Variants in STARD13 observed in about 807,000 individuals in gnomAD.
STARD13 encodes the protein stAR-related lipid transfer protein 13.
STARD13 carries 62 observed loss-of-function variants against 106.4 expected under a neutral mutation model. The observed-to-expected ratio is 0.58, with a 90% CI of 0.48 to 0.72. STARD13 has a LOEUF of 0.72. Among genes scored for constraint, STARD13 ranks in the 30% least tolerant of loss-of-function variants. The pLI, the probability that STARD13 is intolerant of heterozygous loss-of-function variation, is 0.00. For missense variants in STARD13, 1,387 were observed against 1,424.0 expected, an observed-to-expected ratio of 0.97 and a Z score of 0.42; for synonymous variants, 565 against 553.0, an observed-to-expected ratio of 1.02 and a Z score of -0.31.
chr13:33,108,817 C>T (rs1295833655), intron 12 of STARD13, among the ~76,000 whole-genome samples: 1 of 152,220 alleles, frequency 6.6e-6, no homozygotes, highest in Non-Finnish European at 1.5e-5. Context: ...ATTCAACTTT[C>T]CACTTGTGGA....
chr13:33,421,463 C>T, the STARD13 span, among the ~76,000 whole-genome samples: 1 of 152,084 alleles, frequency 6.6e-6, no homozygotes, highest in African/African-American at 2.4e-5. Context: ...AATAGCCTAC[C>T]AACCAAAAAA....
At chr13:33,180,097 G>A (rs1885082242) in intron 1 of STARD13, among the ~76,000 whole-genome samples, 1 of 152,174 alleles carries the variant, frequency 6.6e-6, no homozygotes, top group Non-Finnish European at 1.5e-5. Context: ...TACTCTTTCT[G>A]GTAAATGAAG....
the STARD13 span, chr13:33,439,574 A>G: frequency 4.5e-6 from 2 of 444,942 alleles, no homozygotes; most frequent in South Asian, 3.8e-5. Context: ...GTATCCATCA[A>G]CTTTGCATCC....
the STARD13 span, among the ~76,000 whole-genome samples, chr13:33,580,590 T>C: frequency 6.6e-6 from 1 of 152,102 alleles, no homozygotes; most frequent in Non-Finnish European, 1.5e-5. Context: ...TTTTAATAAA[T>C]GTACCACACG....
chr13:33,490,242 T>C, the STARD13 span, among the ~76,000 whole-genome samples: 32 of 152,292 alleles, frequency 2.1e-4, no homozygotes, highest in East Asian at 6.0e-3. Context: ...AGTAGGTATG[T>C]ACTATACTGA....
chr13:33,126,317 G>A, intron 6 of STARD13, 77 bp from the exon 7 acceptor site: 1 of 1,451,082 alleles, frequency 6.9e-7, no homozygotes, highest in Non-Finnish European at 9.5e-7. Context: ...CAAGCATGAG[G>A]GAAGCCAGGC....
chr13:33,328,667 T>C (rs919463117), intron 1 of STARD13, among the ~76,000 whole-genome samples: 1 of 152,226 alleles, frequency 6.6e-6, no homozygotes, highest in African/African-American at 2.4e-5. Context: ...CATAATTCCT[T>C]TGTGGTCTTA....
the STARD13 span, among the ~76,000 whole-genome samples, chr13:33,532,610 T>C: frequency 6.6e-6 from 1 of 152,216 alleles, no homozygotes; most frequent in Non-Finnish European, 1.5e-5. Context: ...TTTATTTTTG[T>C]CAAAGTTGTA....
the STARD13 span, among the ~76,000 whole-genome samples, chr13:33,659,487 T>C: frequency 6.6e-6 from 1 of 152,200 alleles, no homozygotes; most frequent in Non-Finnish European, 1.5e-5. Context: ...GTGCTGGGAT[T>C]ACAGGTGTGA....
chr13:33,440,363 C>T, the STARD13 span, among the ~76,000 whole-genome samples: 1 of 151,930 alleles, frequency 6.6e-6, no homozygotes, highest in African/African-American at 2.4e-5. Flanking sequence ...TGCTCCAGGG[C>T]CCTGGTGCCA....
chr13:33,411,406 C>G, the STARD13 span, among the ~76,000 whole-genome samples: 3 of 152,150 alleles, frequency 2.0e-5, no homozygotes, highest in South Asian at 4.1e-4. Flanking sequence ...TGTCCACTCT[C>G]TAGAGACACC....
At chr13:33,581,609 G>A in the STARD13 span, among the ~76,000 whole-genome samples, 1 of 152,074 alleles carries the variant, frequency 6.6e-6, no homozygotes, top group Non-Finnish European at 1.5e-5. Flanking sequence ...TATGAATATT[G>A]TAAATATTAT....
At chr13:33,475,989 T>C in the STARD13 span, among the ~76,000 whole-genome samples, 7 of 151,792 alleles carry the variant, frequency 4.6e-5, no homozygotes, top group Admixed American at 3.3e-4. Context: ...GAAAGAAAAA[T>C]AGATGAGAGT....
At chr13:33,443,285 G>C in the STARD13 span, among the ~76,000 whole-genome samples, 1 of 151,758 alleles carries the variant, frequency 6.6e-6, no homozygotes, top group African/African-American at 2.4e-5. Flanking sequence ...GCTGAGGCAG[G>C]AGAATGCCTT....
the STARD13 span, among the ~76,000 whole-genome samples, chr13:33,665,972 G>T: frequency 6.6e-6 from 1 of 152,094 alleles, no homozygotes; most frequent in African/African-American, 2.4e-5. Flanking sequence ...TTGACCACAG[G>T]GACCTGGAAT....
intron 1 of STARD13, chr13:33,281,331 A>G (rs1204235083): frequency 6.6e-6 from 1 of 152,152 alleles, no homozygotes; most frequent in Non-Finnish European, 1.5e-5. Context: ...AATAAAAAGT[A>G]TAATAGTGTG....
chr13:33,295,908 T>C (rs1286828038), intron 1 of STARD13, among the ~76,000 whole-genome samples: 2 of 151,640 alleles, frequency 1.3e-5, no homozygotes, highest in Non-Finnish European at 2.9e-5. Flanking sequence ...TAAGACAGAT[T>C]AGTATTCAAA....
the STARD13 span, among the ~76,000 whole-genome samples, chr13:33,653,028 A>T: frequency 2.6e-4 from 39 of 152,310 alleles, no homozygotes; most frequent in African/African-American, 9.1e-4. Flanking sequence ...GATTAAGAAG[A>T]TGCAAGTTAA....
At chr13:33,475,327 A>G in the STARD13 span, among the ~76,000 whole-genome samples, 2 of 152,170 alleles carry the variant, frequency 1.3e-5, no homozygotes, top group East Asian at 3.8e-4. Context: ...GTTATTATTG[A>G]CAAAAATTTC....
Sources: gnomAD v4.1 joint callset for allele counts (sites outside exome capture counted in the v4.1 genomes callset) on GRCh38, gnomAD v4.1.1 for gene constraint, MANE v1.5 for transcripts, NCBI Gene and HGNC (gene_info 2026-07-23, HGNC 2026-07-21) for gene names.